CREB1: variants seen among roughly 807,000 people sequenced by gnomAD.
The protein encoded by CREB1 is cyclic AMP-responsive element-binding protein 1.
A neutral mutation model predicts 42.0 loss-of-function variants in CREB1; 2 were observed. The observed-to-expected ratio is 0.05, with a 90% CI of 0.02 to 0.15. The LOEUF (loss-of-function observed/expected upper bound fraction) is 0.15, where lower values mean the gene tolerates loss of function less well. Ranked by LOEUF, CREB1 falls within the 10% of genes least tolerant of loss-of-function variation. The pLI, the probability that CREB1 is intolerant of heterozygous loss-of-function variation, is 1.00. For missense variants in CREB1, 199 were observed against 388.9 expected (o/e 0.51, Z 4.11); for synonymous variants, 123 against 139.9 (o/e 0.88, Z 0.85).
intron 1 of CREB1, among the ~76,000 whole-genome samples, chr2:207,550,748 C>T (rs1260276752): frequency 6.6e-6 from 1 of 151,924 alleles, no homozygotes; most frequent in South Asian, 2.1e-4. Flanking sequence ...AGAATTTGTC[C>T]CTGATTCAGT....
chr2:207,569,320 A>G (rs960578644), intron 4 of CREB1, among the ~76,000 whole-genome samples: 2 of 152,172 alleles, frequency 1.3e-5, no homozygotes, highest in African/African-American at 2.4e-5. Flanking sequence ...ACGAACACCC[A>G]TATTTCCTTA....
intron 1 of CREB1, among the ~76,000 whole-genome samples, chr2:207,544,962 C>T (rs868836516): frequency 1.5e-4 from 23 of 152,156 alleles, no homozygotes; most frequent in African/African-American, 4.8e-4. Context: ...TTTAGTCTGT[C>T]ATTGATGGGC....
chr2:207,534,388 C>T (rs1207563186), intron 1 of CREB1, among the ~76,000 whole-genome samples: 5 of 152,200 alleles, frequency 3.3e-5, no homozygotes, highest in Non-Finnish European at 2.9e-5. Flanking sequence ...AGGCATGCAC[C>T]ACCACGCCCG....
At chr2:207,532,527 G>T (rs1173046622) in intron 1 of CREB1, among the ~76,000 whole-genome samples, 1 of 151,538 alleles carries the variant, frequency 6.6e-6, no homozygotes, top group Non-Finnish European at 1.5e-5. Context: ...ACAAAAATTA[G>T]CTGGGTGTCG....
At chr2:207,578,240 TA>T (rs2082670828) in intron 7 of CREB1, among the ~76,000 whole-genome samples, 1 of 152,202 alleles carries the variant, frequency 6.6e-6, no homozygotes, top group Non-Finnish European at 1.5e-5. Flanking sequence ...GAAATGTTGG[TA>T]AAGCAATTCT....
At chr2:207,575,515 C>T in intron 6 of CREB1, 61 bp downstream of exon 6, 6 of 1,419,212 alleles carry the variant, frequency 4.2e-6, no homozygotes, top group Non-Finnish European at 4.8e-6. Flanking sequence ...ATTTTATAAA[C>T]TCACAGAAAA....
rs1351603005 is a variant in CREB1, at chr2:207,597,966, T to C, written c.*908T>C. 1 of 184,468 alleles carries C rather than the reference T, an allele frequency of 5.4e-6. No homozygotes were observed. The highest frequency in any genetic ancestry group is 2.3e-5 in the African/African-American group (1 of 42,630). The allele number at this position is 184,468 out of a possible 1,614,324, so 11.4% of individuals were successfully genotyped here. A position where few individuals can be genotyped will look rare whatever the true frequency, so the allele number is the denominator to read the frequency against. ...GTCCTCACCTTCAAAAATATTTATA[T>C]TGTCACTCATTTACGTAAAAAGATA... On this transcript the variant is annotated 3_prime_UTR_variant, in exon 8 of 8. Coordinates refer to ENST00000353267, the MANE Select transcript of CREB1 (RefSeq NM_004379.5).
chr2:207,550,118 G>C (rs2081447684), intron 1 of CREB1: 1 of 152,128 alleles, frequency 6.6e-6, no homozygotes, highest in South Asian at 2.1e-4. Context: ...AGTATTTTTA[G>C]TTAACATATC....
intron 3 of CREB1, among the ~76,000 whole-genome samples, chr2:207,566,301 T>G (rs866716024): frequency 1.3e-5 from 2 of 152,218 alleles, no homozygotes; most frequent in African/African-American, 4.8e-5. Context: ...ATATGTTTTC[T>G]TACTGCCATT....
intron 7 of CREB1, among the ~76,000 whole-genome samples, chr2:207,593,027 A>T (rs933009447): frequency 6.6e-6 from 1 of 152,248 alleles, no homozygotes; most frequent in Non-Finnish European, 1.5e-5. Context: ...ACGGTCACAC[A>T]GCTTTTTGTT....
At position 207,598,946 on chromosome 2, in the gene CREB1, G is replaced by A. The variant is rs560730454; in HGVS notation, c.*1888G>A. The A allele has an allele frequency of 5.4e-6, 1 of 183,650 alleles. No individual in the cohort carries two copies. Among genetic ancestry groups the A allele is most frequent in the East Asian group, 9.1e-5 (1 of 11,044 alleles). 11.4% of individuals were successfully genotyped at this position (183,650 alleles called of 1,614,324 possible). ...TTATATTTAGTCAAGAGTTATTTAA[G>A]AAAGTCAAGCTTGTTTAACAACAAA... On this transcript the variant is annotated 3_prime_UTR_variant, in exon 8 of 8. Transcript: ENST00000353267.
chr2:207,601,811 T>A lies in CREB1; in HGVS notation c.*4753T>A, dbSNP rs1056189737. 2 of 219,012 alleles carry A rather than the reference T, an allele frequency of 9.1e-6. No homozygotes were observed. The highest frequency in any genetic ancestry group is 1.9e-4 in the South Asian group (1 of 5,386). The allele number at this position is 219,012 out of a possible 1,614,324, so 13.6% of individuals were successfully genotyped here. On this transcript the variant is annotated 3_prime_UTR_variant, in exon 8 of 8. Coordinates refer to ENST00000353267, the MANE Select transcript of CREB1 (RefSeq NM_004379.5). Reference sequence around the variant, plus strand: ...TAGTAAGGCTGTAGGTGAAGAGTTGTGAGATAAATAGTTCACTCAGTTGTA... The same window carrying A: ...TAGTAAGGCTGTAGGTGAAGAGTTGAGAGATAAATAGTTCACTCAGTTGTA...
intron 6 of CREB1, among the ~76,000 whole-genome samples, chr2:207,576,225 A>G: frequency 7.0e-6 from 1 of 143,088 alleles, no homozygotes; most frequent in South Asian, 2.3e-4. Flanking sequence ...CAAATTATAG[A>G]AGTTGCTTTT....
chr2:207,574,262 T>C (rs769156122), intron 5 of CREB1, among the ~76,000 whole-genome samples: 1 of 152,218 alleles, frequency 6.6e-6, no homozygotes, highest in Non-Finnish European at 1.5e-5. Context: ...CTTTCCTGCA[T>C]TGTTTACTTT....
At chr2:207,565,488 CT>C (rs574018651) in intron 3 of CREB1, among the ~76,000 whole-genome samples, 358 of 134,906 alleles carry the variant, frequency 2.7e-3, no homozygotes, top group Middle Eastern at 0.016. Context: ...GAAAGGCAAC[CT>C]TTTTTTTTTT....
chr2:207,575,932 C>CT (rs201385822), intron 6 of CREB1, among the ~76,000 whole-genome samples: 4 of 28,612 alleles, frequency 1.4e-4, no homozygotes, highest in Admixed American at 3.9e-4. Context: ...TGTTTCTCTG[C>CT]TTCCCCCCCC....
intron 1 of CREB1, among the ~76,000 whole-genome samples, chr2:207,536,697 A>G (rs530465405): frequency 6.6e-6 from 1 of 151,990 alleles, no homozygotes; most frequent in African/African-American, 2.4e-5. Flanking sequence ...AAATATTACT[A>G]TGTGCTATTT....
chr2:207,545,320 G>T (rs1261895186), intron 1 of CREB1, among the ~76,000 whole-genome samples: 1 of 152,114 alleles, frequency 6.6e-6, no homozygotes, highest in African/African-American at 2.4e-5. Context: ...TGATTCTCCT[G>T]CCTCAGCCTC....
At chr2:207,568,873 G>C (rs993450483) in intron 4 of CREB1, among the ~76,000 whole-genome samples, 3 of 151,646 alleles carry the variant, frequency 2.0e-5, no homozygotes, top group Admixed American at 6.6e-5. Context: ...ATTTAACACT[G>C]TACCAAAAGT....
Sources: gnomAD v4.1 joint callset for allele counts (sites outside exome capture counted in the v4.1 genomes callset) on GRCh38, gnomAD v4.1.1 for gene constraint, MANE v1.5 for transcripts, NCBI Gene and HGNC (gene_info 2026-07-23, HGNC 2026-07-21) for gene names.